The following SPECC1 variants were observed in gnomAD, a reference collection of about 807,000 sequenced individuals.
The protein encoded by SPECC1 is cytospin-B.
SPECC1 carries 62 observed loss-of-function variants against 104.1 expected under a neutral mutation model. That is an observed-to-expected ratio of 0.60 (90% confidence interval 0.49 to 0.74). The LOEUF (loss-of-function observed/expected upper bound fraction) is 0.74, where lower values mean the gene tolerates loss of function less well. Among genes scored for constraint, SPECC1 ranks in the 30% least tolerant of loss-of-function variants. The pLI, the probability that SPECC1 is intolerant of heterozygous loss-of-function variation, is 0.00. For synonymous variants in SPECC1, 513 were observed against 501.6 expected (o/e 1.02, Z -0.30); for missense variants, 1,306 against 1,310.5 (o/e 1.00, Z 0.05).
chr17:20,195,291 T>C (rs1205788865), intron 3 of SPECC1, among the ~76,000 whole-genome samples: 1 of 152,208 alleles, frequency 6.6e-6, no homozygotes, highest in East Asian at 1.9e-4. Flanking sequence ...GGACAGCCAC[T>C]ATTAAAGCCA....
intron 4 of SPECC1, among the ~76,000 whole-genome samples, chr17:20,219,924 T>G (rs559202138): frequency 1.3e-5 from 2 of 152,296 alleles, no homozygotes; most frequent in South Asian, 4.1e-4. Context: ...CACCATTTAC[T>G]GAAGAGACTG....
At chr17:20,277,637 C>T (rs958878096) in intron 12 of SPECC1, among the ~76,000 whole-genome samples, 1 of 152,130 alleles carries the variant, frequency 6.6e-6, no homozygotes, top group Non-Finnish European at 1.5e-5. Context: ...GCATGAAGCA[C>T]GTTCACATGG....
chr17:20,253,634 T>C, intron 10 of SPECC1, 48 bp downstream of exon 10: 1 of 1,550,032 alleles, frequency 6.5e-7, no homozygotes, highest in Non-Finnish European at 8.9e-7. Flanking sequence ...TTCCGTGCAG[T>C]TAACTTTTCT....
chr17:20,109,217 A>G (rs1188503798), intron 2 of SPECC1, among the ~76,000 whole-genome samples: 2 of 152,254 alleles, frequency 1.3e-5, no homozygotes, highest in Non-Finnish European at 2.9e-5. Context: ...CCCCAAAGCC[A>G]GTGGAGTAGG....
intron 1 of SPECC1, among the ~76,000 whole-genome samples, chr17:20,015,677 C>T (rs1237614123): frequency 2.1e-5 from 3 of 146,228 alleles, no homozygotes; most frequent in African/African-American, 7.5e-5. Flanking sequence ...CTCTGCCTCC[C>T]AGGTTCACGC....
At position 20,021,601 on chromosome 17, in the gene SPECC1, TG is replaced by T. The variant is rs375581322; in HGVS notation, c.-22+12178del. Among the ~76,000 whole-genome samples, 99 of 150,986 alleles carry T rather than the reference TG, an allele frequency of 6.6e-4. 1 individual carries two copies. Among genetic ancestry groups the T allele is most frequent in the African/African-American group, 2.4e-3 (99 of 41,262 alleles). The stretch of plus-strand genomic sequence containing the variant: ...ATATAACCAAGTACTGCCAGATTGC[TG>T]TCAAGGGTGGCTGCACCACTACCTT... On this transcript the variant is annotated intron_variant, in intron 1 of 14. Coordinates refer to ENST00000395527, the MANE Select transcript of SPECC1 (RefSeq NM_001243439.2).
intron 1 of SPECC1, among the ~76,000 whole-genome samples, chr17:20,052,002 A>G (rs1381830303): frequency 6.6e-6 from 1 of 152,244 alleles, no homozygotes. Flanking sequence ...TACCTGACTC[A>G]TAGTGGGTTA....
At chr17:20,278,434 C>T (rs2040646570) in intron 12 of SPECC1, among the ~76,000 whole-genome samples, 1 of 152,212 alleles carries the variant, frequency 6.6e-6, no homozygotes, top group African/African-American at 2.4e-5. Flanking sequence ...AGACTGGAAA[C>T]TCAGCCACCC....
intron 5 of SPECC1, among the ~76,000 whole-genome samples, chr17:20,229,749 T>C (rs1016118144): frequency 6.6e-6 from 1 of 152,294 alleles, no homozygotes; most frequent in Admixed American, 6.5e-5. Flanking sequence ...TTTGACAATA[T>C]GTATATAAGG....
intron 12 of SPECC1, among the ~76,000 whole-genome samples, chr17:20,280,111 C>T (rs1040046064): frequency 2.0e-4 from 31 of 152,276 alleles, no homozygotes; most frequent in African/African-American, 6.3e-4. Flanking sequence ...GGACAATTAT[C>T]GCAGTACTGT....
intron 12 of SPECC1, among the ~76,000 whole-genome samples, chr17:20,274,653 T>G (rs547684616): frequency 6.6e-6 from 1 of 151,876 alleles, no homozygotes; most frequent in South Asian, 2.1e-4. Context: ...GCTAATTTTT[T>G]GTGTTTTTAG....
intron 7 of SPECC1, among the ~76,000 whole-genome samples, chr17:20,234,022 G>T (rs1275616618): frequency 6.6e-6 from 1 of 152,172 alleles, no homozygotes; most frequent in Admixed American, 6.5e-5. Flanking sequence ...GTTCTTCTAT[G>T]AGATGCCATG....
At chr17:20,118,672 T>G (rs1050519008) in intron 3 of SPECC1, among the ~76,000 whole-genome samples, 5 of 152,218 alleles carry the variant, frequency 3.3e-5, no homozygotes, top group South Asian at 2.1e-4. Context: ...TGAGGAGAGT[T>G]AGCAGAATTG....
chr17:20,204,595 T>C lies in SPECC1; in HGVS notation c.546T>C (p.Ser182=), dbSNP rs2151347327. 1 of 1,614,120 alleles carries C rather than the reference T, an allele frequency of 6.2e-7. No individual in the cohort carries two copies. The highest frequency in any genetic ancestry group is 8.5e-7 in the Non-Finnish European group (1 of 1,180,010). The change falls in exon 4 of 15, where the codon AGT becomes AGC. Residue 182 remains serine (S), a synonymous_variant. Transcript: ENST00000395527. ...ELLAEAKAKD[S]EINRLRSELK... ...TGGCAGAAGCCAAAGCAAAAGATAG[T>C]GAAATTAACAGGCTTCGAAGTGAAC...
rs73303532 is a variant in SPECC1 at position 20,231,430 on chromosome 17, G to A, written c.2072-328G>A. ...ATTGTGTGTGAGTGCGAGGGAGGCC[G>A]GACTCGGTATGCAAGTGTGCATGGC... is the stretch of plus-strand genomic sequence containing the variant. On this transcript the variant is annotated intron_variant, in intron 5 of 14. Coordinates refer to ENST00000395527, the MANE Select transcript of SPECC1 (RefSeq NM_001243439.2). Among the ~76,000 whole-genome samples the A allele has an allele frequency of 9.0e-3, 1,369 of 152,278 alleles. 25 individuals carry two copies. The highest frequency in any genetic ancestry group is 0.031 in the African/African-American group (1,294 of 41,536).
intron 9 of SPECC1, among the ~76,000 whole-genome samples, chr17:20,247,683 G>T (rs1300993444): frequency 1.3e-5 from 2 of 152,114 alleles, no homozygotes; most frequent in Non-Finnish European, 2.9e-5. Context: ...AATATGTGGT[G>T]ATTTATTTAG....
chr17:20,269,259 A>AG (rs746103947), intron 12 of SPECC1, among the ~76,000 whole-genome samples: 3 of 152,130 alleles, frequency 2.0e-5, no homozygotes, highest in Non-Finnish European at 4.4e-5. Context: ...GGATTACAGG[A>AG]GGGTTCCCAT....
intron 3 of SPECC1, among the ~76,000 whole-genome samples, chr17:20,131,246 C>T (rs1170158501): frequency 6.6e-6 from 1 of 152,114 alleles, no homozygotes; most frequent in Non-Finnish European, 1.5e-5. Flanking sequence ...GGCTGGAGTG[C>T]AGTGGCATGA....
At chr17:20,076,914 T>C (rs2046782606) in intron 1 of SPECC1, among the ~76,000 whole-genome samples, 1 of 152,200 alleles carries the variant, frequency 6.6e-6, no homozygotes, top group African/African-American at 2.4e-5. Flanking sequence ...CTCTTTATGG[T>C]ATTTTGCATT....
Sources: gnomAD v4.1 joint callset for allele counts (sites outside exome capture counted in the v4.1 genomes callset) on GRCh38, gnomAD v4.1.1 for gene constraint, MANE v1.5 for transcripts, NCBI Gene and HGNC (gene_info 2026-07-23, HGNC 2026-07-21) for gene names.